The following MB21D2 variants were observed in gnomAD, a reference collection of about 807,000 sequenced individuals.
The protein encoded by MB21D2 is nucleotidyltransferase MB21D2.
MB21D2 carries 9 observed loss-of-function variants against 33.3 expected under a neutral mutation model. The ratio of observed to expected loss-of-function variants is 0.27; its 90% CI spans 0.16 to 0.47. MB21D2 has a LOEUF of 0.47. Ranked by LOEUF, MB21D2 falls within the 20% of genes least tolerant of loss-of-function variation. The pLI is 0.99. For synonymous variants in MB21D2, 241 were observed against 236.3 expected (o/e 1.02, Z -0.18); for missense variants, 540 against 624.6 (o/e 0.86, Z 1.44).
At chr3:192,910,189 G>A (rs2108655842) in intron 1 of MB21D2, among the ~76,000 whole-genome samples, 1 of 151,320 alleles carries the variant, frequency 6.6e-6, no homozygotes, top group African/African-American at 2.4e-5. Flanking sequence ...ATAGAGGTGG[G>A]GCGTGGTAGC....
At chr3:192,853,096 A>G (rs865800997) in intron 1 of MB21D2, among the ~76,000 whole-genome samples, 14 of 151,872 alleles carry the variant, frequency 9.2e-5, no homozygotes, top group African/African-American at 3.1e-4. Context: ...TATATTCAGT[A>G]TATTGACTTT....
At chr3:192,801,400 A>G (rs1175440607) in intron 1 of MB21D2, among the ~76,000 whole-genome samples, 1 of 152,196 alleles carries the variant, frequency 6.6e-6, no homozygotes, top group Non-Finnish European at 1.5e-5. Context: ...GACAATCCCA[A>G]ATCAAATAAA....
At chr3:192,916,086 T>C (rs1313838099) in intron 1 of MB21D2, among the ~76,000 whole-genome samples, 1 of 139,714 alleles carries the variant, frequency 7.2e-6, no homozygotes, top group Non-Finnish European at 1.5e-5. Context: ...GGAAGCTCAC[T>C]CCTACCAGGT....
At chr3:192,866,979 T>C (rs980645912) in intron 1 of MB21D2, among the ~76,000 whole-genome samples, 3 of 152,194 alleles carry the variant, frequency 2.0e-5, no homozygotes, top group Admixed American at 2.0e-4. Flanking sequence ...GAAAGCTGTT[T>C]TCCCTCCCTC....
chr3:192,904,271 T>C (rs187089077), intron 1 of MB21D2, among the ~76,000 whole-genome samples: 44 of 152,276 alleles, frequency 2.9e-4, no homozygotes, highest in Non-Finnish European at 5.9e-5. Context: ...CCAAACTAGC[T>C]GTATGCTGTG....
intron 1 of MB21D2, among the ~76,000 whole-genome samples, chr3:192,857,391 G>A (rs185236649): frequency 9.9e-5 from 15 of 152,284 alleles, no homozygotes; most frequent in Admixed American, 4.6e-4. Flanking sequence ...CGTGTCAAGG[G>A]AACATTCAAA....
intron 1 of MB21D2, among the ~76,000 whole-genome samples, chr3:192,874,740 G>C (rs970577340): frequency 1.3e-5 from 2 of 152,136 alleles, no homozygotes; most frequent in Middle Eastern, 3.2e-3. Flanking sequence ...AGCCAGTGGG[G>C]AGCACAGCAG....
chr3:192,806,672 T>A (rs938106489), intron 1 of MB21D2, among the ~76,000 whole-genome samples: 2 of 152,188 alleles, frequency 1.3e-5, no homozygotes, highest in African/African-American at 4.8e-5. Flanking sequence ...CCTGAATACC[T>A]CATTAACCGT....
intron 1 of MB21D2, among the ~76,000 whole-genome samples, chr3:192,887,338 T>C (rs912975124): frequency 1.3e-5 from 2 of 152,038 alleles, no homozygotes; most frequent in Admixed American, 1.3e-4. Flanking sequence ...AAATGGTATG[T>C]TCAAAAGGAA....
chr3:192,874,555 T>G (rs575088106), intron 1 of MB21D2, among the ~76,000 whole-genome samples: 3 of 152,356 alleles, frequency 2.0e-5, no homozygotes, highest in Non-Finnish European at 4.4e-5. Flanking sequence ...TATGTATAGT[T>G]GCTTATCCAG....
intron 1 of MB21D2, among the ~76,000 whole-genome samples, chr3:192,826,408 A>G (rs2108618309): frequency 6.6e-6 from 1 of 152,304 alleles, no homozygotes; most frequent in Admixed American, 6.5e-5. Flanking sequence ...GAGAACGGGA[A>G]TCAATTCTAT....
intron 1 of MB21D2, among the ~76,000 whole-genome samples, chr3:192,835,907 A>G (rs1712426759): frequency 6.6e-6 from 1 of 151,984 alleles, no homozygotes; most frequent in Non-Finnish European, 1.5e-5. Flanking sequence ...CACTATTTTC[A>G]GAATGTTCTT....
chr3:192,841,856 T>C (rs1243822454), intron 1 of MB21D2, among the ~76,000 whole-genome samples: 1 of 152,130 alleles, frequency 6.6e-6, no homozygotes, highest in African/African-American at 2.4e-5. Context: ...CAAAGGAACA[T>C]GTTTTGAAGG....
intron 1 of MB21D2, among the ~76,000 whole-genome samples, chr3:192,828,795 C>G (rs1262886643): frequency 1.3e-5 from 2 of 150,262 alleles, no homozygotes; most frequent in Non-Finnish European, 3.0e-5. Flanking sequence ...ACTACAGGCG[C>G]CCGCCATCAC....
chr3:192,844,877 A>C (rs1406171688), intron 1 of MB21D2, among the ~76,000 whole-genome samples: 2 of 152,188 alleles, frequency 1.3e-5, no homozygotes, highest in Non-Finnish European at 2.9e-5. Context: ...GTGTAGGAGA[A>C]AGTCTGTTTC....
chr3:192,868,233 G>A (rs1713211577), intron 1 of MB21D2, among the ~76,000 whole-genome samples: 1 of 152,180 alleles, frequency 6.6e-6, no homozygotes, highest in South Asian at 2.1e-4. Context: ...CACTATGGCA[G>A]TCATATCCAA....
intron 1 of MB21D2, among the ~76,000 whole-genome samples, chr3:192,885,175 CAATTT>C (rs1471838796): frequency 1.3e-5 from 2 of 152,010 alleles, no homozygotes; most frequent in Non-Finnish European, 2.9e-5. Context: ...ATTGTAAGCC[CAATTT>C]AATTACTAAC....
intron 1 of MB21D2, among the ~76,000 whole-genome samples, chr3:192,824,985 A>G (rs1281777180): frequency 3.9e-5 from 6 of 152,168 alleles, no homozygotes; most frequent in Non-Finnish European, 7.3e-5. Flanking sequence ...ACATACCCCG[A>G]GTAGCTGTCC....
At chr3:192,835,282 G>A (rs1387896599) in intron 1 of MB21D2, among the ~76,000 whole-genome samples, 6 of 149,876 alleles carry the variant, frequency 4.0e-5, no homozygotes, top group African/African-American at 7.3e-5. Flanking sequence ...GTGAAACACC[G>A]TCTCTACAAA....
Sources: allele counts gnomAD v4.1 joint callset (sites outside exome capture counted in the v4.1 genomes callset), GRCh38; gene constraint gnomAD v4.1.1; transcripts MANE v1.5; gene names NCBI Gene and HGNC (gene_info 2026-07-23, HGNC 2026-07-21).